Variants in GRM5 observed in about 807,000 individuals in gnomAD.
GRM5 encodes the protein metabotropic glutamate receptor 5.
Under a neutral mutation model 83.1 loss-of-function variants are expected in GRM5, and 19 were observed. That is an observed-to-expected ratio of 0.23 (90% CI 0.16 to 0.34). The LOEUF (loss-of-function observed/expected upper bound fraction) is 0.34, where lower values mean the gene tolerates loss of function less well. Ranked by LOEUF, GRM5 falls within the 10% of genes least tolerant of loss-of-function variation. GRM5 has a pLI of 1.00. For missense variants in GRM5, 1,160 were observed against 1,588.3 expected, an observed-to-expected ratio of 0.73 and a Z score of 4.58; for synonymous variants, 675 against 633.6, an observed-to-expected ratio of 1.07 and a Z score of -0.98.
chr11:88,818,081 T>C (rs970064820), intron 3 of GRM5, among the ~76,000 whole-genome samples: 2 of 152,104 alleles, frequency 1.3e-5, no homozygotes, highest in Non-Finnish European at 2.9e-5. Flanking sequence ...TATGAAAAGA[T>C]AGTTTATAAA....
chr11:88,851,861 A>G (rs1217509956), intron 2 of GRM5, among the ~76,000 whole-genome samples: 1 of 152,222 alleles, frequency 6.6e-6, no homozygotes, highest in East Asian at 1.9e-4. Context: ...AGCCTCTGTC[A>G]TGATGGCAGG....
intron 8 of GRM5, among the ~76,000 whole-genome samples, chr11:88,554,535 T>C (rs1942581962): frequency 6.6e-6 from 1 of 152,150 alleles, no homozygotes; most frequent in South Asian, 2.1e-4. Flanking sequence ...TGTAATAAGA[T>C]TTTTTTGTTT....
chr11:88,555,832 ATTAT>A (rs1196391739), intron 8 of GRM5, among the ~76,000 whole-genome samples: 1 of 152,176 alleles, frequency 6.6e-6, no homozygotes, highest in African/African-American at 2.4e-5. Flanking sequence ...ACAGCTTCAT[ATTAT>A]ATGATGCATA....
At chr11:88,896,635 G>C (rs1304301480) in intron 2 of GRM5, among the ~76,000 whole-genome samples, 1 of 151,878 alleles carries the variant, frequency 6.6e-6, no homozygotes, top group Non-Finnish European at 1.5e-5. Context: ...GAGGACCAGA[G>C]GGCCAATGAT....
At chr11:88,713,536 TGACA>T (rs1262068552) in intron 3 of GRM5, among the ~76,000 whole-genome samples, 2 of 152,034 alleles carry the variant, frequency 1.3e-5, no homozygotes, top group African/African-American at 4.8e-5. Context: ...TGCTACATAG[TGACA>T]GACAGAAATG....
At chr11:88,710,352 G>C (rs898375497) in intron 3 of GRM5, among the ~76,000 whole-genome samples, 1 of 152,114 alleles carries the variant, frequency 6.6e-6, no homozygotes, top group Non-Finnish European at 1.5e-5. Flanking sequence ...TTTAGGGCCT[G>C]ACAGAAAACC....
At chr11:88,722,924 T>C (rs2135397537) in intron 3 of GRM5, among the ~76,000 whole-genome samples, 1 of 152,060 alleles carries the variant, frequency 6.6e-6, no homozygotes, top group South Asian at 2.1e-4. Flanking sequence ...ATGCTATGGC[T>C]TTTGACAAAT....
intron 4 of GRM5, among the ~76,000 whole-genome samples, chr11:88,606,055 A>T (rs1938134414): frequency 6.6e-6 from 1 of 152,180 alleles, no homozygotes; most frequent in South Asian, 2.1e-4. Flanking sequence ...TATCAATCAG[A>T]TGAAGGGAGA....
At chr11:88,912,877 C>G (rs567479814) in intron 2 of GRM5, among the ~76,000 whole-genome samples, 1 of 152,298 alleles carries the variant, frequency 6.6e-6, no homozygotes, top group South Asian at 2.1e-4. Flanking sequence ...TCATGCCAGT[C>G]CCTTAAATGC....
chr11:88,953,064 T>A (rs1429203174), intron 2 of GRM5, among the ~76,000 whole-genome samples: 1 of 152,214 alleles, frequency 6.6e-6, no homozygotes, highest in Admixed American at 6.5e-5. Context: ...ATCATGTTTC[T>A]GAATTACCTT....
intron 3 of GRM5, among the ~76,000 whole-genome samples, chr11:88,659,440 C>T (rs1023206011): frequency 2.2e-4 from 33 of 152,232 alleles, no homozygotes; most frequent in African/African-American, 7.5e-4. Flanking sequence ...TATTAACCTA[C>T]TCTGTTGTAT....
intron 3 of GRM5, among the ~76,000 whole-genome samples, chr11:88,685,390 A>G (rs962432218): frequency 9.2e-5 from 14 of 152,232 alleles, no homozygotes; most frequent in African/African-American, 3.4e-4. Context: ...AAAAGCATTC[A>G]GTTTTATAAG....
Position 88,509,156 on chromosome 11 carries a change from C to A in GRM5, c.3075G>T (p.Leu1025=). The part of the protein sequence containing the change: ...RPRSPSPIST[L]SHRAGSASRT... ...GGCTGGCCGAGCCCGCGCGGTGGCTCAGCGTGCTGATGGGCGACGGTGAGC... is the reference window on the plus strand; with the variant it reads ...GGCTGGCCGAGCCCGCGCGGTGGCTAAGCGTGCTGATGGGCGACGGTGAGC... Residue 1025 remains leucine, a synonymous_variant, in exon 10 of 10, where the codon CTG becomes CTT. Coordinates refer to ENST00000305447, the MANE Select transcript of GRM5 (RefSeq NM_001143831.3). 1 of 1,539,238 alleles carries A rather than the reference C, an allele frequency of 6.5e-7. No homozygotes were observed. Among genetic ancestry groups the A allele is most frequent in the South Asian group, 1.2e-5 (1 of 83,546 alleles).
chr11:88,879,978 T>C (rs372903120), intron 2 of GRM5, among the ~76,000 whole-genome samples: 35 of 152,154 alleles, frequency 2.3e-4, no homozygotes, highest in African/African-American at 8.2e-4. Context: ...ATGAATAAAA[T>C]GAATAAGCCT....
At chr11:88,849,865 CCTGGTATTAA>C (rs1371793821) in intron 3 of GRM5, 31 bp downstream of exon 3, 1 of 1,595,042 alleles carries the variant, frequency 6.3e-7, no homozygotes. Context: ...CTGCCAAATT[CCTGGTATTAA>C]CTCCATGTAA....
chr11:88,976,287 G>A (rs113243064), intron 2 of GRM5, among the ~76,000 whole-genome samples: 2,117 of 152,166 alleles, frequency 0.014, 64 homozygotes, highest in African/African-American at 0.048. Flanking sequence ...GGAGAGAATC[G>A]GATTGTGGTT....
chr11:89,038,102 GA>G (rs998618702), intron 2 of GRM5, among the ~76,000 whole-genome samples: 1 of 150,560 alleles, frequency 6.6e-6, no homozygotes, highest in African/African-American at 2.4e-5. Context: ...TCCACTATTT[GA>G]AAAAAAAGAA....
rs994808911 is a variant in GRM5 at position 89,011,102 on chromosome 11, G to T, written c.661+36110C>A. 3.3e-5 allele frequency among the ~76,000 whole-genome samples: 5 copies of T among 152,232 alleles called. No homozygotes were observed. In the East Asian group the frequency reaches 7.7e-4, roughly 23 times the overall value. On this transcript the variant is annotated intron_variant, in intron 2 of 9. Coordinates refer to ENST00000305447, the MANE Select transcript of GRM5 (RefSeq NM_001143831.3). ...AAGGAAACTCAATGAGTTAGAATCT[G>T]CTAACCTCAGTAAACAAAACCTCAG...
chr11:89,031,490 T>C (rs1283603605), intron 2 of GRM5, among the ~76,000 whole-genome samples: 1 of 151,850 alleles, frequency 6.6e-6, no homozygotes, highest in Non-Finnish European at 1.5e-5. Context: ...CTGGCAATGT[T>C]GTGGAGAAAA....
Sources: gnomAD v4.1 joint callset for allele counts (sites outside exome capture counted in the v4.1 genomes callset) on GRCh38, gnomAD v4.1.1 for gene constraint, MANE v1.5 for transcripts, NCBI Gene and HGNC (gene_info 2026-07-23, HGNC 2026-07-21) for gene names.